ERBB4: variants seen among roughly 807,000 people sequenced by gnomAD.
ERBB4 encodes erb-b2 receptor tyrosine kinase 4.
ERBB4 carries 42 observed loss-of-function variants against 158.0 expected under a neutral mutation model. The observed-to-expected ratio is 0.27, with a 90% CI of 0.21 to 0.34. The LOEUF is 0.34. ERBB4 is among the 10% of genes least tolerant of loss of function. The pLI, the probability that ERBB4 is intolerant of heterozygous loss-of-function variation, is 1.00. For missense variants in ERBB4, 1,333 were observed against 1,624.1 expected (o/e 0.82, Z 3.08); for synonymous variants, 583 against 558.7 (o/e 1.04, Z -0.61).
intron 1 of ERBB4, among the ~76,000 whole-genome samples, chr2:212,223,412 A>AATAT (rs200827950): frequency 2.4e-5 from 2 of 82,028 alleles, no homozygotes; most frequent in African/African-American, 5.1e-5. Context: ...ATATTTATCA[A>AATAT]ATATATATAT....
At chr2:211,535,589 A>ATGTGTGTGTGTGTGTGTGTGTG (rs10636668) in intron 20 of ERBB4, 1 of 144,732 alleles carries the variant, frequency 6.9e-6, no homozygotes, top group Non-Finnish European at 1.6e-5. Context: ...GAGAGAGTGT[A>ATGTGTGTGTGTGTGTGTGTGTG]TGTGTGTGTG....
intron 1 of ERBB4, among the ~76,000 whole-genome samples, chr2:212,218,415 CTGTTTGTTTGTG>C (rs2083176853): frequency 6.6e-6 from 1 of 151,150 alleles, no homozygotes. Flanking sequence ...TTTTGTCTGT[CTGTTTGTTTGTG>C]TGTTTGTTTG....
chr2:212,087,996 C>A (rs912076006), intron 2 of ERBB4, among the ~76,000 whole-genome samples: 4 of 152,192 alleles, frequency 2.6e-5, no homozygotes, highest in African/African-American at 9.6e-5. Flanking sequence ...TGGCACTAAA[C>A]ACTCACAATC....
chr2:211,907,811 A>G (rs1410713040), intron 3 of ERBB4, among the ~76,000 whole-genome samples: 2 of 151,760 alleles, frequency 1.3e-5, no homozygotes, highest in Non-Finnish European at 2.9e-5. Flanking sequence ...AGGTCATTTC[A>G]ATTCACACAG....
Position 211,554,177 on chromosome 2 carries a change from A to C in ERBB4, c.2487+7726T>G, listed in dbSNP as rs148839578. Reference sequence around the variant, plus strand: ...TGTGTGTGTGTATGGAGAGGAAAGAATGCAGAGTGGTTTGGAGACCTGGCT... The same window carrying C: ...TGTGTGTGTGTATGGAGAGGAAAGACTGCAGAGTGGTTTGGAGACCTGGCT... On this transcript the variant is annotated intron_variant, in intron 20 of 27. Transcript: ENST00000342788. Among the ~76,000 whole-genome samples, 616 of 152,324 alleles carry C rather than the reference A, an allele frequency of 4.0e-3. 3 individuals carry two copies. The highest frequency in any genetic ancestry group is 0.014 in the African/African-American group (595 of 41,570).
chr2:211,508,906 G>A (rs2065819471), intron 20 of ERBB4, among the ~76,000 whole-genome samples: 2 of 151,620 alleles, frequency 1.3e-5, no homozygotes, highest in Admixed American at 6.6e-5. Context: ...CTCCAGCCTG[G>A]GTGACAGAGC....
rs11682876 is a variant in ERBB4 at position 212,002,711 on chromosome 2, C to T, written c.235-55095G>A. Among the ~76,000 whole-genome samples the T allele has an allele frequency of 2.6e-3, 398 of 152,058 alleles. 2 individuals are homozygous for T. The highest frequency in any genetic ancestry group is 4.0e-3 in the Non-Finnish European group (274 of 67,976). On this transcript the variant is annotated intron_variant, in intron 2 of 27. Coordinates refer to ENST00000342788, the MANE Select transcript of ERBB4 (RefSeq NM_005235.3). The stretch of plus-strand genomic sequence containing the variant: ...GGAGAGTCAAGAGAATTTTGCATTT[C>T]CATAAAGCAATATGAATTTGTTATG...
chr2:212,039,273 T>C (rs2077084680), intron 2 of ERBB4, among the ~76,000 whole-genome samples: 1 of 152,154 alleles, frequency 6.6e-6, no homozygotes, highest in African/African-American at 2.4e-5. Flanking sequence ...AGAATAATGA[T>C]TGTATACTTT....
At chr2:211,895,669 A>G (rs187128124) in intron 3 of ERBB4, among the ~76,000 whole-genome samples, 1 of 152,250 alleles carries the variant, frequency 6.6e-6, no homozygotes, top group Non-Finnish European at 1.5e-5. Context: ...CTTTAACCTT[A>G]CATACATCTC....
chr2:211,873,545 T>C (rs1363080039), intron 3 of ERBB4, among the ~76,000 whole-genome samples: 5 of 152,288 alleles, frequency 3.3e-5, no homozygotes, highest in Admixed American at 6.5e-5. Context: ...TACATACACC[T>C]ACATATTTTT....
At chr2:212,534,812 C>T (rs1363448753) in intron 1 of ERBB4, among the ~76,000 whole-genome samples, 1 of 152,056 alleles carries the variant, frequency 6.6e-6, no homozygotes, top group African/African-American at 2.4e-5. Flanking sequence ...TATTTGAATC[C>T]ACTTTGAGGA....
chr2:212,162,896 A>G (rs2081243286), intron 1 of ERBB4, among the ~76,000 whole-genome samples: 1 of 152,014 alleles, frequency 6.6e-6, no homozygotes, highest in African/African-American at 2.4e-5. Flanking sequence ...AAACAATTTT[A>G]TAGTAACAGC....
At chr2:211,674,629 T>C (rs2071981901) in intron 13 of ERBB4, among the ~76,000 whole-genome samples, 1 of 152,138 alleles carries the variant, frequency 6.6e-6, no homozygotes, top group Non-Finnish European at 1.5e-5. Flanking sequence ...AGGTGATCTT[T>C]TGCATGCTTC....
At chr2:212,080,033 A>T (rs1403610629) in intron 2 of ERBB4, among the ~76,000 whole-genome samples, 1 of 152,050 alleles carries the variant, frequency 6.6e-6, no homozygotes, top group Non-Finnish European at 1.5e-5. Flanking sequence ...ATAAAAAAAA[A>T]TTAACAGAAA....
intron 1 of ERBB4, among the ~76,000 whole-genome samples, chr2:212,213,601 T>C (rs900392728): frequency 6.6e-6 from 1 of 151,914 alleles, no homozygotes; most frequent in Non-Finnish European, 1.5e-5. Flanking sequence ...CGTTTCCCTA[T>C]GTGATTGATA....
intron 25 of ERBB4, among the ~76,000 whole-genome samples, chr2:211,391,120 G>A (rs2062790026): frequency 6.6e-6 from 1 of 152,044 alleles, no homozygotes; most frequent in East Asian, 1.9e-4. Context: ...ATAACTTTTT[G>A]TACTTGAGAG....
At chr2:211,610,630 T>C (rs73078795) in intron 19 of ERBB4, among the ~76,000 whole-genome samples, 10,700 of 152,168 alleles carry the variant, frequency 0.07, 1,172 homozygotes, top group African/African-American at 0.23. Flanking sequence ...AAATTGCACA[T>C]GATTAGTTTA....
chr2:212,517,854 C>G (rs1297234450), intron 1 of ERBB4, among the ~76,000 whole-genome samples: 1 of 152,056 alleles, frequency 6.6e-6, no homozygotes, highest in African/African-American at 2.4e-5. Context: ...AAATGAGAGG[C>G]ATCATCTTGC....
chr2:212,037,546 C>T (rs1403906070), intron 2 of ERBB4, among the ~76,000 whole-genome samples: 2 of 152,160 alleles, frequency 1.3e-5, no homozygotes, highest in Non-Finnish European at 2.9e-5. Flanking sequence ...AAGATTTGTA[C>T]GTTCCTTATG....
Sources: gnomAD v4.1 joint callset for allele counts (sites outside exome capture counted in the v4.1 genomes callset) on GRCh38, gnomAD v4.1.1 for gene constraint, MANE v1.5 for transcripts, NCBI Gene and HGNC (gene_info 2026-07-23, HGNC 2026-07-21) for gene names.